Variants in PKHD1 observed in about 807,000 individuals in gnomAD.
PKHD1 encodes PKHD1 ciliary IPT domain containing fibrocystin/polyductin.
PKHD1 carries 291 observed loss-of-function variants against 412.0 expected under a neutral mutation model. That is an observed-to-expected ratio of 0.71 (90% confidence interval 0.64 to 0.78). The LOEUF is 0.78. PKHD1 is among the 30% of genes least tolerant of loss of function. PKHD1 has a pLI of 0.00. For missense variants in PKHD1, 4,825 were observed against 4,950.7 expected, an observed-to-expected ratio of 0.97 and a Z score of 0.76; for synonymous variants, 1,777 against 1,821.5, an observed-to-expected ratio of 0.98 and a Z score of 0.62.
intron 1 of PKHD1, among the ~76,000 whole-genome samples, chr6:52,085,232 T>A (rs376065264): frequency 4.5e-4 from 39 of 87,276 alleles, no homozygotes; most frequent in African/African-American, 1.4e-3. Flanking sequence ...CACCAACTTA[T>A]TTTAAGCTGG....
chr6:51,765,694 C>T (rs916697707), intron 55 of PKHD1, among the ~76,000 whole-genome samples: 20 of 152,182 alleles, frequency 1.3e-4, no homozygotes, highest in African/African-American at 4.3e-4. Context: ...ATCTCAACCA[C>T]GTCATTTATA....
At chr6:51,859,385 G>T (rs1164314563) in intron 48 of PKHD1, among the ~76,000 whole-genome samples, 3 of 151,996 alleles carry the variant, frequency 2.0e-5, no homozygotes, top group Non-Finnish European at 4.4e-5. Flanking sequence ...AATTAGCTGG[G>T]CGTGGCAGCA....
intron 43 of PKHD1, among the ~76,000 whole-genome samples, chr6:51,887,684 T>C (rs957471612): frequency 6.6e-6 from 1 of 152,198 alleles, no homozygotes; most frequent in Non-Finnish European, 1.5e-5. Flanking sequence ...CTGCTTTGCC[T>C]TCTGCCGTGA....
chr6:51,790,344 A>G (rs1793552985), intron 53 of PKHD1, among the ~76,000 whole-genome samples: 1 of 152,200 alleles, frequency 6.6e-6, no homozygotes, highest in South Asian at 2.1e-4. Flanking sequence ...TACCCATAAC[A>G]TTTCAGGTTT....
chr6:51,656,878 A>G (rs1185421929), intron 61 of PKHD1, among the ~76,000 whole-genome samples: 1 of 151,176 alleles, frequency 6.6e-6, no homozygotes, highest in African/African-American at 2.4e-5. Flanking sequence ...CTGGTCTCAA[A>G]CTCCTGCGCT....
intron 29 of PKHD1, among the ~76,000 whole-genome samples, chr6:52,032,641 C>G (rs938575456): frequency 6.6e-6 from 1 of 152,208 alleles, no homozygotes; most frequent in Non-Finnish European, 1.5e-5. Flanking sequence ...TACTTATTCT[C>G]TCCATTCCTT....
At chr6:51,626,050 T>C (rs1426911385) in intron 66 of PKHD1, among the ~76,000 whole-genome samples, 1 of 152,076 alleles carries the variant, frequency 6.6e-6, no homozygotes, top group Non-Finnish European at 1.5e-5. Context: ...CCTTTATTTC[T>C]TTCATGGAAA....
At chr6:51,620,486 G>A (rs906950827) in intron 66 of PKHD1, among the ~76,000 whole-genome samples, 1 of 151,992 alleles carries the variant, frequency 6.6e-6, no homozygotes, top group African/African-American at 2.4e-5. Flanking sequence ...CTAAACCCTG[G>A]GGGGTAGATG....
chr6:51,919,489 T>G (rs1274835771), intron 37 of PKHD1, among the ~76,000 whole-genome samples: 15 of 152,210 alleles, frequency 9.9e-5, no homozygotes, highest in Non-Finnish European at 1.0e-4. Context: ...TTGGTCTATA[T>G]CTCTGTTTTG....
At chr6:52,046,363 TAAGGTAA>T (rs1199228242) in intron 23 of PKHD1, among the ~76,000 whole-genome samples, 175 bp from the exon 24 acceptor site, 1 of 152,196 alleles carries the variant, frequency 6.6e-6, no homozygotes, top group Non-Finnish European at 1.5e-5. Flanking sequence ...CATTTTTTCC[TAAGGTAA>T]AGACAAGTAG....
chr6:51,661,421 G>T (rs1054111813), intron 60 of PKHD1, among the ~76,000 whole-genome samples: 1 of 151,980 alleles, frequency 6.6e-6, no homozygotes, highest in African/African-American at 2.4e-5. Context: ...GTGGAACAGA[G>T]AAATTATGAA....
intron 23 of PKHD1, among the ~76,000 whole-genome samples, chr6:52,047,221 T>C (rs779672481): frequency 6.6e-6 from 1 of 152,126 alleles, no homozygotes; most frequent in Non-Finnish European, 1.5e-5. Context: ...CAAATATAAA[T>C]AGCACAGTAA....
In PKHD1 at chr6:51,794,951, G is replaced by A. The variant is rs148364821; in HGVS notation, c.8303-3578C>T. Among the ~76,000 whole-genome samples the A allele has an allele frequency of 1.9e-3, 292 of 152,090 alleles. 3 individuals carry two copies. Among genetic ancestry groups the A allele is most frequent in the African/African-American group, 6.3e-3 (263 of 41,522 alleles). On this transcript the variant is annotated intron_variant, in intron 52 of 66. Coordinates refer to ENST00000371117, the MANE Select transcript of PKHD1 (RefSeq NM_138694.4). ...TACTGTAGCCCTGCGGTATAAAGTT[G>A]GGTCACATGATGCCTCTAGCTTTTC...
intron 12 of PKHD1, 135 bp downstream of exon 12, chr6:52,065,841 C>A: frequency 1.5e-6 from 1 of 684,626 alleles, no homozygotes; most frequent in East Asian, 2.7e-5. Flanking sequence ...CTCAACCAAA[C>A]ACATGACTTA....
intron 41 of PKHD1, 138 bp from the exon 42 acceptor site, chr6:51,904,180 T>C (rs1292582881): frequency 2.9e-6 from 2 of 685,330 alleles, no homozygotes; most frequent in Non-Finnish European, 5.5e-6. Flanking sequence ...GGGAAAGAGA[T>C]ACAGATCTTA....
intron 63 of PKHD1, among the ~76,000 whole-genome samples, chr6:51,645,099 T>C (rs1022236490): frequency 1.5e-4 from 23 of 152,232 alleles, no homozygotes; most frequent in African/African-American, 9.6e-5. Flanking sequence ...CAGTGATTTA[T>C]TGGTATGAAA....
chr6:51,720,059 G>A (rs913722622), intron 60 of PKHD1, among the ~76,000 whole-genome samples: 1 of 152,110 alleles, frequency 6.6e-6, no homozygotes, highest in Non-Finnish European at 1.5e-5. Flanking sequence ...GGTAAAGGGG[G>A]CACATTGCAA....
At chr6:51,808,365 G>T (rs994956004) in intron 52 of PKHD1, among the ~76,000 whole-genome samples, 2 of 151,404 alleles carry the variant, frequency 1.3e-5, no homozygotes, top group Non-Finnish European at 2.9e-5. Context: ...ATGGGTGAAG[G>T]GAAAATTTTC....
chr6:51,872,917 G>A (rs1337890005), intron 46 of PKHD1, among the ~76,000 whole-genome samples: 1 of 132,926 alleles, frequency 7.5e-6, no homozygotes, highest in Non-Finnish European at 1.6e-5. Context: ...TTACCTTAGG[G>A]TATGTTCAAA....
Sources: gnomAD v4.1 joint callset for allele counts (sites outside exome capture counted in the v4.1 genomes callset) on GRCh38, gnomAD v4.1.1 for gene constraint, MANE v1.5 for transcripts, NCBI Gene and HGNC (gene_info 2026-07-23, HGNC 2026-07-21) for gene names.